Variants in GRM1 observed in about 807,000 individuals in gnomAD.
GRM1 encodes metabotropic glutamate receptor 1.
GRM1 carries 33 observed loss-of-function variants against 90.9 expected under a neutral mutation model. The observed-to-expected ratio is 0.36, with a 90% CI of 0.28 to 0.49. GRM1 has a LOEUF of 0.49. Among genes scored for constraint, GRM1 ranks in the 20% least tolerant of loss-of-function variants. The probability of loss-of-function intolerance (pLI) is 0.99; values close to 1 mark genes in which losing one functional copy is unlikely to be tolerated. For missense variants in GRM1, 1,190 were observed against 1,534.3 expected (o/e 0.78, Z 3.75); for synonymous variants, 700 against 613.2 (o/e 1.14, Z -2.09).
chr6:146,387,092 G>A, intron 6 of GRM1, 76 bp downstream of exon 6: 1 of 1,337,578 alleles, frequency 7.5e-7, no homozygotes, highest in African/African-American at 1.4e-5. Context: ...AAATGAGAAT[G>A]ATTAGCTCAT....
chr6:146,260,496 A>T (rs1781650353), intron 2 of GRM1, among the ~76,000 whole-genome samples: 1 of 152,138 alleles, frequency 6.6e-6, no homozygotes, highest in Non-Finnish European at 1.5e-5. Context: ...AATGATTTAT[A>T]ATCCTTTGGG....
intron 1 of GRM1, among the ~76,000 whole-genome samples, chr6:146,072,390 T>C (rs1254439370): frequency 6.6e-6 from 1 of 152,180 alleles, no homozygotes; most frequent in Non-Finnish European, 1.5e-5. Flanking sequence ...TATTCTATAA[T>C]ATCCTGCACT....
In GRM1 at chr6:146,434,178, G is replaced by A. The variant is rs758333023; in HGVS notation, c.2967G>A (p.Pro989=). 27 of 1,613,366 alleles carry A rather than the reference G, an allele frequency of 1.7e-5. No homozygotes were observed. The highest frequency in any genetic ancestry group is 1.3e-4 in the East Asian group (6 of 44,862). Reference sequence around the variant, plus strand: ...GCGTGCCAAGCGCGGCGACCACTCCGCCTCTGCCGTCCCACCTGACCGCAG... The same window carrying A: ...GCGTGCCAAGCGCGGCGACCACTCCACCTCTGCCGTCCCACCTGACCGCAG... The part of the protein sequence containing the change: ...HRRVPSAATT[P]PLPSHLTAEE... The change falls in exon 8 of 8, where the codon CCG becomes CCA. Residue 989 remains proline, a synonymous_variant. Transcript: ENST00000282753.
chr6:146,185,120 A>G (rs1778684801), intron 2 of GRM1, among the ~76,000 whole-genome samples: 1 of 152,254 alleles, frequency 6.6e-6, no homozygotes, highest in Non-Finnish European at 1.5e-5. Context: ...GTGACAGCAC[A>G]AATCTTCTAA....
chr6:146,067,867 G>A (rs1775899575), intron 1 of GRM1, among the ~76,000 whole-genome samples: 1 of 152,122 alleles, frequency 6.6e-6, no homozygotes, highest in African/African-American at 2.4e-5. Context: ...ATTGTGACGT[G>A]ATAAAATGAA....
chr6:146,283,250 C>G (rs1475817866), intron 2 of GRM1, among the ~76,000 whole-genome samples: 1 of 152,220 alleles, frequency 6.6e-6, no homozygotes, highest in Non-Finnish European at 1.5e-5. Context: ...TAGTTTTAAA[C>G]TGCCAATTTT....
At chr6:146,207,442 G>GT (rs1372191915) in intron 2 of GRM1, among the ~76,000 whole-genome samples, 3 of 152,050 alleles carry the variant, frequency 2.0e-5, no homozygotes, top group Non-Finnish European at 4.4e-5. Flanking sequence ...GGGGTTGTTT[G>GT]TTTTTTCTCT....
chr6:146,162,303 G>A (rs1342072872), intron 2 of GRM1, among the ~76,000 whole-genome samples: 1 of 151,120 alleles, frequency 6.6e-6, no homozygotes, highest in Non-Finnish European at 1.5e-5. Context: ...CAGCAGGAGA[G>A]ATTTGGTTAA....
At chr6:146,246,393 G>A (rs1331955919) in intron 2 of GRM1, among the ~76,000 whole-genome samples, 1 of 152,180 alleles carries the variant, frequency 6.6e-6, no homozygotes, top group African/African-American at 2.4e-5. Flanking sequence ...TGCCAGCCAG[G>A]TGAGGTGGCT....
intron 1 of GRM1, among the ~76,000 whole-genome samples, chr6:146,156,277 A>G (rs2128889982): frequency 6.6e-6 from 1 of 152,280 alleles, no homozygotes; most frequent in East Asian, 1.9e-4. Flanking sequence ...GTGGTGGCAC[A>G]TACCTGTAGT....
intron 1 of GRM1, among the ~76,000 whole-genome samples, chr6:146,102,953 G>A (rs777863627): frequency 1.3e-5 from 2 of 152,146 alleles, no homozygotes; most frequent in South Asian, 2.1e-4. Flanking sequence ...AAGTTAATGG[G>A]TGAACAACCA....
chr6:146,315,197 C>G (rs936315348), intron 3 of GRM1, among the ~76,000 whole-genome samples: 6 of 152,064 alleles, frequency 3.9e-5, no homozygotes, highest in Non-Finnish European at 7.4e-5. Flanking sequence ...AAAAAGTTAG[C>G]TGGGCACTTT....
At position 146,261,395 on chromosome 6, in the gene GRM1, G is replaced by T. The variant is rs369710186; in HGVS notation, c.951-43216G>T. Among the ~76,000 whole-genome samples the T allele has an allele frequency of 9.9e-5, 15 of 152,182 alleles. No individual in the cohort carries two copies. The East Asian group carries it at 2.7e-3, about 27-fold the overall frequency. On this transcript the variant is annotated intron_variant, in intron 2 of 7. Coordinates refer to ENST00000282753, the MANE Select transcript of GRM1 (RefSeq NM_001278064.2). ...GTTGTTTTGTGGATCTTCTAATCTG[G>T]AGCATAGAGTGAAGGGAAGGAACTG...
chr6:146,060,285 A>G (rs1775618551), intron 1 of GRM1, among the ~76,000 whole-genome samples: 1 of 151,688 alleles, frequency 6.6e-6, no homozygotes, highest in South Asian at 2.1e-4. Flanking sequence ...GTACATGTGT[A>G]GGTTTATTAT....
chr6:146,400,128 T>C (rs1185055648), intron 7 of GRM1, among the ~76,000 whole-genome samples: 1 of 152,184 alleles, frequency 6.6e-6, no homozygotes, highest in Non-Finnish European at 1.5e-5. Flanking sequence ...GGTTTATTTT[T>C]ATCATTCCGG....
At chr6:146,168,316 A>G (rs752472488) in intron 2 of GRM1, among the ~76,000 whole-genome samples, 2 of 152,088 alleles carry the variant, frequency 1.3e-5, no homozygotes, top group Non-Finnish European at 2.9e-5. Flanking sequence ...GTTATTGCCC[A>G]TGTCCCAAGA....
intron 1 of GRM1, among the ~76,000 whole-genome samples, chr6:146,083,709 C>G (rs1776444905): frequency 6.6e-6 from 1 of 152,082 alleles, no homozygotes; most frequent in African/African-American, 2.4e-5. Context: ...TTTGTTGTGT[C>G]TCTGCCAGGT....
rs112201753 is a variant in GRM1 at position 146,074,470 on chromosome 6, G to C, written c.700+44253G>C. ...CCCTCAAATTCAGAGTCACGAATCT[G>C]TGCCTACATTAGACCCCACCCAGAG... On this transcript the variant is annotated intron_variant, in intron 1 of 7. Coordinates refer to ENST00000282753, the MANE Select transcript of GRM1 (RefSeq NM_001278064.2). Among the ~76,000 whole-genome samples the C allele has an allele frequency of 7.6e-3, 1,159 of 152,234 alleles. 9 individuals are homozygous for C. The highest frequency in any genetic ancestry group is 0.026 in the African/African-American group (1,094 of 41,542).
chr6:146,249,746 C>T (rs146067972), intron 2 of GRM1, among the ~76,000 whole-genome samples: 2,064 of 152,238 alleles, frequency 0.014, 30 homozygotes, highest in African/African-American at 0.047. Context: ...CACCATCCTC[C>T]AGACCCCAAA....
Sources: gnomAD v4.1 joint callset for allele counts (sites outside exome capture counted in the v4.1 genomes callset) on GRCh38, gnomAD v4.1.1 for gene constraint, MANE v1.5 for transcripts, NCBI Gene and HGNC (gene_info 2026-07-23, HGNC 2026-07-21) for gene names.